Variants in UNK observed in about 807,000 individuals in gnomAD.
UNK encodes the protein RING finger protein unkempt homolog.
UNK carries 32 observed loss-of-function variants against 97.6 expected under a neutral mutation model. The ratio of observed to expected loss-of-function variants is 0.33; its 90% CI spans 0.25 to 0.44. UNK has a LOEUF of 0.44. Ranked by LOEUF, UNK falls within the 20% of genes least tolerant of loss-of-function variation. The pLI, the probability that UNK is intolerant of heterozygous loss-of-function variation, is 1.00. For missense variants in UNK, 771 were observed against 1,098.4 expected (o/e 0.70, Z 4.21); for synonymous variants, 441 against 461.2 (o/e 0.96, Z 0.56).
intron 1 of UNK, chr17:75,794,304 A>C: frequency 2.2e-6 from 1 of 459,874 alleles, no homozygotes; most frequent in South Asian, 9.4e-5. Flanking sequence ...ACTGAGGCTT[A>C]TTTGCTACTA....
chr17:75,800,824 TAC>T (rs1229257679), intron 1 of UNK, among the ~76,000 whole-genome samples: 1 of 152,156 alleles, frequency 6.6e-6, no homozygotes, highest in Non-Finnish European at 1.5e-5. Context: ...GCACTTCAAC[TAC>T]AGACTCAAGT....
At chr17:75,808,200 C>T (rs1393709611) in intron 1 of UNK, among the ~76,000 whole-genome samples, 1 of 152,196 alleles carries the variant, frequency 6.6e-6, no homozygotes, top group Admixed American at 6.6e-5. Flanking sequence ...ATGGGTATCC[C>T]AGCTCAGTGC....
intron 1 of UNK, among the ~76,000 whole-genome samples, chr17:75,805,651 T>C (rs1284998987): frequency 1.3e-5 from 2 of 150,898 alleles, no homozygotes; most frequent in African/African-American, 2.4e-5. Flanking sequence ...AAAAAAAATT[T>C]AGCTGGGCAT....
intron 1 of UNK, among the ~76,000 whole-genome samples, chr17:75,807,635 A>AT (rs2061931052): frequency 6.6e-6 from 1 of 152,086 alleles, no homozygotes; most frequent in Non-Finnish European, 1.5e-5. Context: ...GTATTCTTTT[A>AT]GTGGAGACAT....
intron 2 of UNK, 58 bp from the exon 3 acceptor site, chr17:75,812,054 G>A: frequency 2.0e-6 from 3 of 1,523,596 alleles, no homozygotes. Context: ...CAGGGGGTAG[G>A]CAGGGAAGCC....
chr17:75,806,159 C>T (rs2061913962), intron 1 of UNK, among the ~76,000 whole-genome samples: 1 of 150,192 alleles, frequency 6.7e-6, no homozygotes, highest in African/African-American at 2.5e-5. Context: ...TGGTCCTTTA[C>T]AAGAAGAGTT....
In UNK at chr17:75,821,881, T is replaced by C. The variant is rs946668994; in HGVS notation, c.1838-596T>C. ...TAGTTGACTGGAAAGCATAGGCCTT[T>C]GGAACCACACTCCCTGTCTGTGTCC... On this transcript the variant is annotated intron_variant, in intron 13 of 15. Transcript: ENST00000589666. 5.2e-5 allele frequency: 19 copies of C among 363,844 alleles called. No individual in the cohort carries two copies. The Admixed American group carries it at 6.6e-4, about 13-fold the overall frequency. The allele number at this position is 363,844 out of a possible 1,614,324, so 22.5% of individuals were successfully genotyped here.
rs566492509 is a variant in UNK at position 75,793,574 on chromosome 17, G to A, written c.104+8590G>A. The A allele has an allele frequency of 8.1e-6, 8 of 985,268 alleles. No homozygotes were observed. The East Asian group carries it at 9.1e-4, about 112-fold the overall frequency. 61.0% of individuals were successfully genotyped at this position (985,268 alleles called of 1,614,324 possible). On this transcript the variant is annotated intron_variant, in intron 1 of 15. Coordinates refer to ENST00000589666, the MANE Select transcript of UNK (RefSeq NM_001080419.3). ...CCTGTTGGTGGCTCAATTTCTTTAG[G>A]ACATAAAGAAGATACTGAGGCCTGT...
At chr17:75,805,608 G>A (rs2061905216) in intron 1 of UNK, among the ~76,000 whole-genome samples, 1 of 151,234 alleles carries the variant, frequency 6.6e-6, no homozygotes. Context: ...ACCAGCCCGG[G>A]TAACATAGCG....
At chr17:75,814,374 C>A (rs1221382866) in intron 6 of UNK, among the ~76,000 whole-genome samples, 1 of 151,538 alleles carries the variant, frequency 6.6e-6, no homozygotes, top group East Asian at 1.9e-4. Flanking sequence ...CGCCTGTAAC[C>A]CCAGCTACTC....
intron 1 of UNK, chr17:75,785,444 G>T (rs552920305): frequency 6.5e-6 from 1 of 154,836 alleles, no homozygotes; most frequent in Admixed American, 6.5e-5. Context: ...AGCCTTTTGT[G>T]TCCCTAAGGC....
chr17:75,811,794 C>T (rs2061971517), intron 2 of UNK, among the ~76,000 whole-genome samples: 5 of 152,144 alleles, frequency 3.3e-5, no homozygotes, highest in Admixed American at 1.3e-4. Context: ...CGAGACCATC[C>T]TGGCCAACAT....
At position 75,813,880 on chromosome 17, in the gene UNK, T is replaced by C; in HGVS notation, c.876+2T>C. The C allele has an allele frequency of 6.4e-7, 1 of 1,573,594 alleles. No individual in the cohort carries two copies. The highest frequency in any genetic ancestry group is 8.6e-7 in the Non-Finnish European group (1 of 1,160,394). ...ACCGAGCAGCAGTTCCACCCCGAGGTGGGCCCCACAGCAGGGTGGGGGGGT... is the reference window on the plus strand; with the variant it reads ...ACCGAGCAGCAGTTCCACCCCGAGGCGGGCCCCACAGCAGGGTGGGGGGGT... On this transcript the variant is annotated splice_donor_variant, in intron 6 of 15. Transcript: ENST00000589666. LOFTEE classifies it high-confidence loss of function.
intron 1 of UNK, 76 bp downstream of exon 1, chr17:75,785,060 A>T (rs1599350164): frequency 9.5e-7 from 1 of 1,051,708 alleles, no homozygotes; most frequent in Non-Finnish European, 1.3e-6. Flanking sequence ...GCGCGCAGGG[A>T]GAGCGCGAGG....
At chr17:75,796,131 CAA>C (rs1375854237) in intron 1 of UNK, among the ~76,000 whole-genome samples, 1 of 152,096 alleles carries the variant, frequency 6.6e-6, no homozygotes, top group East Asian at 1.9e-4. Context: ...AGTGTGGGAT[CAA>C]AGACTCCCTT....
chr17:75,814,188 G>A (rs989881166), intron 6 of UNK, among the ~76,000 whole-genome samples: 11 of 152,066 alleles, frequency 7.2e-5, no homozygotes, highest in African/African-American at 2.7e-4. Context: ...CATGGTGCTT[G>A]TAATCCAGTG....
intron 1 of UNK, among the ~76,000 whole-genome samples, chr17:75,804,486 G>A (rs1026654626): frequency 6.6e-5 from 10 of 151,834 alleles, no homozygotes; most frequent in African/African-American, 1.5e-4. Flanking sequence ...ATTAATCTGC[G>A]CAACTGAGTT....
chr17:75,798,035 C>T (rs933441206), intron 1 of UNK, among the ~76,000 whole-genome samples: 2 of 150,010 alleles, frequency 1.3e-5, no homozygotes, highest in Non-Finnish European at 3.0e-5. Context: ...TTCATGCAGA[C>T]ATGCACTCCA....
Position 75,819,766 on chromosome 17 carries a change from C to T in UNK, c.1629C>T (p.His543=). ...CTTTCGATAACAGCACAGTGCCCCACCCAGGAAGCATCACCATCGGTACTG... is the reference window on the plus strand; with the variant it reads ...CTTTCGATAACAGCACAGTGCCCCATCCAGGAAGCATCACCATCGGTACTG... The part of the protein sequence containing the change: ...EKTFDNSTVP[H]PGSITIGGSL... The change falls in exon 12 of 16, where the codon CAC becomes CAT. Residue 543 remains histidine (H), a synonymous_variant. Transcript: ENST00000589666. The surrounding 1 kb of genome is among the most constrained non-coding windows in gnomAD (Gnocchi z 5.4). 1 of 1,613,872 alleles carries T rather than the reference C, an allele frequency of 6.2e-7. No individual in the cohort carries two copies. The highest frequency in any genetic ancestry group is 2.2e-5 in the East Asian group (1 of 44,892).
Sources: gnomAD v4.1 joint callset for allele counts (sites outside exome capture counted in the v4.1 genomes callset) on GRCh38, gnomAD v4.1.1 for gene constraint, Gnocchi (gnomAD v3.1) non-coding constraint, MANE v1.5 for transcripts, NCBI Gene and HGNC (gene_info 2026-07-23, HGNC 2026-07-21) for gene names.